CADM2: variants seen among roughly 807,000 people sequenced by gnomAD.
CADM2 encodes the protein cell adhesion molecule 2, also known as immunoglobulin superfamily member 4D.
Under a neutral mutation model 49.8 loss-of-function variants are expected in CADM2, and 12 were observed. The observed-to-expected ratio is 0.24, with a 90% confidence interval of 0.15 to 0.39. The LOEUF (loss-of-function observed/expected upper bound fraction) is 0.39, where lower values mean the gene tolerates loss of function less well. Among genes scored for constraint, CADM2 ranks in the 10% least tolerant of loss-of-function variants. The probability of loss-of-function intolerance (pLI) is 1.00; values close to 1 mark genes in which losing one functional copy is unlikely to be tolerated. For synonymous variants in CADM2, 214 were observed against 175.4 expected, an observed-to-expected ratio of 1.22 and a Z score of -1.74; for missense variants, 378 against 492.3, an observed-to-expected ratio of 0.77 and a Z score of 2.20.
intron 2 of CADM2, among the ~76,000 whole-genome samples, chr3:85,731,887 G>A (rs1331445227): frequency 6.6e-6 from 1 of 151,868 alleles, no homozygotes; most frequent in Non-Finnish European, 1.5e-5. Context: ...ATTAAGTAAT[G>A]AGGCCATAAT....
At chr3:85,369,539 C>T (rs1172530882) in intron 1 of CADM2, among the ~76,000 whole-genome samples, 3 of 152,026 alleles carry the variant, frequency 2.0e-5, no homozygotes, top group Admixed American at 6.5e-5. Flanking sequence ...GAGGCTGAGG[C>T]GGGTGGAATC....
chr3:86,010,219 T>A (rs959826616), intron 8 of CADM2, among the ~76,000 whole-genome samples: 8 of 151,980 alleles, frequency 5.3e-5, no homozygotes, highest in African/African-American at 1.7e-4. Context: ...ATAATATTCA[T>A]CTGAGTAAAC....
intron 1 of CADM2, among the ~76,000 whole-genome samples, chr3:84,967,726 A>T (rs1261305373): frequency 3.3e-5 from 5 of 152,098 alleles, no homozygotes; most frequent in Non-Finnish European, 7.4e-5. Flanking sequence ...TTGCTAAAGG[A>T]TATGTACAGA....
intron 1 of CADM2, among the ~76,000 whole-genome samples, chr3:85,044,030 A>G (rs2035552039): frequency 6.6e-6 from 1 of 152,126 alleles, no homozygotes; most frequent in African/African-American, 2.4e-5. Flanking sequence ...GTGGTTCAGC[A>G]GGGTTAATGA....
intron 1 of CADM2, among the ~76,000 whole-genome samples, chr3:85,177,182 A>G (rs1160511953): frequency 2.0e-5 from 3 of 152,150 alleles, no homozygotes; most frequent in Middle Eastern, 3.2e-3. Context: ...TTTTGCAATC[A>G]TTCCCTTATG....
rs542656596 is a variant in CADM2, at chr3:84,997,355, T to C, written c.61+37687T>C. Among the ~76,000 whole-genome samples the C allele has an allele frequency of 2.0e-5, 3 of 152,198 alleles. No homozygotes were observed. In the East Asian group the frequency reaches 5.8e-4, roughly 29 times the overall value. On this transcript the variant is annotated intron_variant, in intron 1 of 9. Coordinates refer to ENST00000383699, the MANE Select transcript of CADM2 (RefSeq NM_001167675.2). ...CTCTAATTATGTGAATTAACAAATA[T>C]CTTAACTTTTGGACCGATTTTTCCA...
At chr3:85,028,951 A>ATTTGGG (rs1382699991) in intron 1 of CADM2, among the ~76,000 whole-genome samples, 1 of 13,760 alleles carries the variant, frequency 7.3e-5, no homozygotes, top group Non-Finnish European at 1.5e-4. Context: ...TTTTACCGAA[A>ATTTGGG]TAAAACAGTA....
rs6775282 is a variant in CADM2 at position 85,118,510 on chromosome 3, G to T, written c.61+158842G>T. On this transcript the variant is annotated intron_variant, in intron 1 of 9. Transcript: ENST00000383699. ...AGGCAAAGAGAGAGCCTGTGCAGGGGAACTCCCCTTTATAAAGCCATCAGA... is the reference window on the plus strand; with the variant it reads ...AGGCAAAGAGAGAGCCTGTGCAGGGTAACTCCCCTTTATAAAGCCATCAGA... Among the ~76,000 whole-genome samples, 116 of 152,130 alleles carry T rather than the reference G, an allele frequency of 7.6e-4. 1 individual carries two copies. In the Middle Eastern group the frequency reaches 0.02, roughly 27 times the overall value.
intron 2 of CADM2, among the ~76,000 whole-genome samples, chr3:85,797,026 G>A (rs369637369): frequency 3.3e-5 from 5 of 151,446 alleles, no homozygotes; most frequent in East Asian, 2.0e-4. Flanking sequence ...CTCAGGAGGC[G>A]GAGGTTGCAG....
At chr3:85,826,897 C>T (rs1193530720) in intron 3 of CADM2, among the ~76,000 whole-genome samples, 7 of 151,964 alleles carry the variant, frequency 4.6e-5, no homozygotes, top group African/African-American at 7.2e-5. Context: ...AATATCACTG[C>T]AATTACAAAT....
At chr3:85,198,935 T>G (rs921609765) in intron 1 of CADM2, among the ~76,000 whole-genome samples, 1 of 151,928 alleles carries the variant, frequency 6.6e-6, no homozygotes, top group African/African-American at 2.4e-5. Context: ...TGAAACAAGT[T>G]CATTTATTTC....
At chr3:85,715,332 AT>A (rs1036270486) in intron 1 of CADM2, among the ~76,000 whole-genome samples, 1 of 152,178 alleles carries the variant, frequency 6.6e-6, no homozygotes. Flanking sequence ...AGCAAAAAGT[AT>A]TTTTTTAGTT....
intron 1 of CADM2, among the ~76,000 whole-genome samples, chr3:85,412,086 G>A (rs796657000): frequency 2.2e-4 from 33 of 152,122 alleles, no homozygotes; most frequent in African/African-American, 8.0e-4. Context: ...CACTTTAGCG[G>A]ACCAAAGTTA....
At chr3:86,036,553 C>T (rs542094088) in intron 8 of CADM2, among the ~76,000 whole-genome samples, 2 of 152,160 alleles carry the variant, frequency 1.3e-5, no homozygotes, top group East Asian at 3.9e-4. Flanking sequence ...ACTGAATTAT[C>T]ACATGTCCAC....
chr3:85,166,193 A>G (rs1402681011), intron 1 of CADM2, among the ~76,000 whole-genome samples: 1 of 151,862 alleles, frequency 6.6e-6, no homozygotes, highest in African/African-American at 2.4e-5. Flanking sequence ...GAAAAGCAAT[A>G]TATATGGAAT....
intron 1 of CADM2, among the ~76,000 whole-genome samples, chr3:85,132,844 C>T (rs1251341514): frequency 1.3e-5 from 2 of 152,024 alleles, no homozygotes; most frequent in South Asian, 2.1e-4. Context: ...ATACTGTGTC[C>T]GGAATTGGTG....
At chr3:85,971,747 C>G (rs1726167680) in intron 8 of CADM2, among the ~76,000 whole-genome samples, 1 of 151,470 alleles carries the variant, frequency 6.6e-6, no homozygotes, top group Admixed American at 6.6e-5. Context: ...TTTCACTTTA[C>G]TTTTGTCAGT....
chr3:85,050,553 A>T lies in CADM2; in HGVS notation c.61+90885A>T, dbSNP rs115709321. ...TATTAAAAACATTAAGTAGGAAAGG[A>T]GATAGTATATGCATTTTAAAATTGA... On this transcript the variant is annotated intron_variant, in intron 1 of 9. Coordinates refer to ENST00000383699, the MANE Select transcript of CADM2 (RefSeq NM_001167675.2). Among the ~76,000 whole-genome samples the T allele has an allele frequency of 2.8e-3, 423 of 152,264 alleles. 3 individuals carry two copies. The highest frequency in any genetic ancestry group is 9.7e-3 in the African/African-American group (403 of 41,552).
chr3:85,605,470 C>T (rs954627356), intron 1 of CADM2, among the ~76,000 whole-genome samples: 5 of 151,944 alleles, frequency 3.3e-5, no homozygotes, highest in Admixed American at 6.6e-5. Context: ...TTTTAGGGCT[C>T]GTATGGTCCA....
Sources: allele counts gnomAD v4.1 joint callset (sites outside exome capture counted in the v4.1 genomes callset), GRCh38; gene constraint gnomAD v4.1.1; transcripts MANE v1.5; gene names NCBI Gene and HGNC (gene_info 2026-07-23, HGNC 2026-07-21).